The following NUDCD3 variants were observed in gnomAD, a reference collection of about 807,000 sequenced individuals.
The protein encoded by NUDCD3 is NudC domain containing 3.
A neutral mutation model predicts 39.7 loss-of-function variants in NUDCD3; 13 were observed. The observed-to-expected ratio is 0.33, with a 90% CI of 0.21 to 0.52. The LOEUF (loss-of-function observed/expected upper bound fraction) is 0.52. Ranked by LOEUF, NUDCD3 falls within the 20% of genes least tolerant of loss-of-function variation. NUDCD3 has a pLI of 0.96. For missense variants in NUDCD3, 453 were observed against 458.1 expected (o/e 0.99, Z 0.10); for synonymous variants, 175 against 172.4 (o/e 1.02, Z -0.12).
chr7:44,452,141 G>A (rs1323025161), intron 2 of NUDCD3, among the ~76,000 whole-genome samples: 2 of 152,206 alleles, frequency 1.3e-5, no homozygotes, highest in East Asian at 3.9e-4. Context: ...CAAGCCAACA[G>A]GAGTTAGAGT....
intron 3 of NUDCD3, among the ~76,000 whole-genome samples, chr7:44,420,396 G>A (rs1358743279): frequency 2.0e-5 from 3 of 152,186 alleles, no homozygotes; most frequent in Non-Finnish European, 4.4e-5. Flanking sequence ...GAAAGTGACA[G>A]GAGAATGGAA....
intron 2 of NUDCD3, among the ~76,000 whole-genome samples, chr7:44,434,157 AG>A (rs1402995596): frequency 6.6e-6 from 1 of 152,094 alleles, no homozygotes; most frequent in East Asian, 1.9e-4. Flanking sequence ...TTATCTTCCT[AG>A]GAGTGTTCAC....
intron 2 of NUDCD3, among the ~76,000 whole-genome samples, chr7:44,433,517 G>A (rs964135799): frequency 3.9e-5 from 6 of 152,094 alleles, no homozygotes; most frequent in Non-Finnish European, 7.4e-5. Flanking sequence ...GGCATGCAGT[G>A]TGTGTGTGCT....
In NUDCD3 at chr7:44,381,986, G is replaced by A. The variant is rs561116197; in HGVS notation, c.*4025C>T. On this transcript the variant is annotated 3_prime_UTR_variant, in exon 6 of 6. Coordinates refer to ENST00000355451, the MANE Select transcript of NUDCD3 (RefSeq NM_015332.4). ...CTGAGGGGGAAGCAGGAAGTTGTGA[G>A]GGGTAGCCGGGCCTGACCTCTCTTC... The A allele has an allele frequency of 6.6e-6, 1 of 152,380 alleles. No homozygotes were observed. Among genetic ancestry groups the A allele is most frequent in the Non-Finnish European group, 1.5e-5 (1 of 68,092 alleles). The allele number at this position is 152,380 out of a possible 1,614,324, so 9.4% of individuals were successfully genotyped here.
intron 2 of NUDCD3, among the ~76,000 whole-genome samples, chr7:44,435,441 T>TA (rs1336594331): frequency 1.3e-5 from 2 of 152,092 alleles, no homozygotes; most frequent in East Asian, 3.8e-4. Flanking sequence ...AATAAATAAA[T>TA]AAAGTCCACA....
chr7:44,436,560 C>T (rs1334549931), intron 2 of NUDCD3, among the ~76,000 whole-genome samples: 1 of 152,164 alleles, frequency 6.6e-6, no homozygotes, highest in Middle Eastern at 3.2e-3. Context: ...GGTCATGCTA[C>T]AGAACTACAG....
At chr7:44,490,207 C>A in intron 1 of NUDCD3, 1 of 566,340 alleles carries the variant, frequency 1.8e-6, no homozygotes, top group Non-Finnish European at 3.0e-6. Context: ...TCTGAAACCT[C>A]AGGACGTCCG....
At chr7:44,445,463 C>A (rs990535445) in intron 2 of NUDCD3, among the ~76,000 whole-genome samples, 6 of 152,244 alleles carry the variant, frequency 3.9e-5, no homozygotes, top group Admixed American at 3.9e-4. Flanking sequence ...TTAATGGTAT[C>A]ATTTCTTTGC....
At chr7:44,441,936 T>C (rs1799593010) in intron 2 of NUDCD3, among the ~76,000 whole-genome samples, 1 of 152,134 alleles carries the variant, frequency 6.6e-6, no homozygotes, top group Non-Finnish European at 1.5e-5. Flanking sequence ...AACTCCTTGA[T>C]CCACAGCCAC....
intron 2 of NUDCD3, among the ~76,000 whole-genome samples, chr7:44,449,816 A>C: frequency 6.6e-6 from 1 of 151,868 alleles, no homozygotes; most frequent in East Asian, 1.9e-4. Flanking sequence ...GAGTTAGGCC[A>C]AGATTTCCTA....
intron 2 of NUDCD3, among the ~76,000 whole-genome samples, chr7:44,474,004 G>A (rs183386572): frequency 6.6e-6 from 1 of 152,258 alleles, no homozygotes; most frequent in Admixed American, 6.5e-5. Flanking sequence ...AATATTTACA[G>A]ATGAAATGAT....
chr7:44,485,306 G>C, intron 1 of NUDCD3, 22 bp from the exon 2 acceptor site: 1 of 1,574,902 alleles, frequency 6.3e-7, no homozygotes, highest in Non-Finnish European at 8.7e-7. Flanking sequence ...CACCAATCCA[G>C]CAATCAGTTC....
intron 2 of NUDCD3, among the ~76,000 whole-genome samples, chr7:44,456,025 C>CAAAAAA (rs1233592095): frequency 3.5e-4 from 10 of 28,498 alleles, no homozygotes; most frequent in African/African-American, 4.5e-4. Context: ...GACTCCGTCT[C>CAAAAAA]AAAAAAAAAA....
At chr7:44,488,840 T>A (rs773384222) in intron 1 of NUDCD3, among the ~76,000 whole-genome samples, 7 of 152,174 alleles carry the variant, frequency 4.6e-5, no homozygotes, top group Non-Finnish European at 1.0e-4. Flanking sequence ...ACCAGGTAAA[T>A]GAGTTACCAG....
intron 3 of NUDCD3, among the ~76,000 whole-genome samples, chr7:44,405,951 C>T (rs962156041): frequency 6.6e-6 from 1 of 152,126 alleles, no homozygotes; most frequent in Non-Finnish European, 1.5e-5. Context: ...TACGTGCCAC[C>T]ATGCCTGGCT....
chr7:44,471,457 C>T (rs990071295), intron 2 of NUDCD3, among the ~76,000 whole-genome samples: 1 of 152,190 alleles, frequency 6.6e-6, no homozygotes, highest in African/African-American at 2.4e-5. Context: ...TGGTAACAAC[C>T]AGCTCAGGGC....
chr7:44,484,052 C>G (rs17655389), intron 2 of NUDCD3, among the ~76,000 whole-genome samples: 20,586 of 152,118 alleles, frequency 0.14, 1,732 homozygotes, highest in Non-Finnish European at 0.19. Context: ...CCCCAAAACA[C>G]GTCAGAAAGA....
At chr7:44,452,595 A>C (rs1268354687) in intron 2 of NUDCD3, among the ~76,000 whole-genome samples, 4 of 152,206 alleles carry the variant, frequency 2.6e-5, no homozygotes, top group African/African-American at 7.2e-5. Flanking sequence ...GCAGGCAAAC[A>C]GGGGCTCAGG....
intron 2 of NUDCD3, among the ~76,000 whole-genome samples, chr7:44,466,386 T>G (rs1479998814): frequency 6.6e-6 from 1 of 152,196 alleles, no homozygotes; most frequent in Admixed American, 6.5e-5. Flanking sequence ...GGGAGGTATG[T>G]ACATGGGGTT....
Sources: gnomAD v4.1 joint callset for allele counts (sites outside exome capture counted in the v4.1 genomes callset) on GRCh38, gnomAD v4.1.1 for gene constraint, MANE v1.5 for transcripts, NCBI Gene and HGNC (gene_info 2026-07-23, HGNC 2026-07-21) for gene names.